Variants in SPEF2 observed in about 807,000 individuals in gnomAD.
SPEF2 encodes the protein sperm flagellar and cilia associated 2, also known as sperm flagella and cilia-associated protein 2.
SPEF2 carries 187 observed loss-of-function variants against 224.6 expected under a neutral mutation model. That is an observed-to-expected ratio of 0.83 (90% CI 0.74 to 0.94). The LOEUF is 0.94. SPEF2 is among the 40% of genes least tolerant of loss of function. The pLI, the probability that SPEF2 is intolerant of heterozygous loss-of-function variation, is 0.00. For synonymous variants in SPEF2, 715 were observed against 707.3 expected, an observed-to-expected ratio of 1.01 and a Z score of -0.17; for missense variants, 2,170 against 2,135.6, an observed-to-expected ratio of 1.02 and a Z score of -0.32.
Position 35,654,650 on chromosome 5 carries a change from C to G in SPEF2, c.902C>G (p.Ala301Gly), listed in dbSNP as rs750261854. 5.2e-5 allele frequency: 84 copies of G among 1,613,684 alleles called. No homozygotes were observed. In the South Asian group the frequency reaches 9.0e-4, roughly 17 times the overall value. The stretch of plus-strand genomic sequence containing the variant: ...ATCCAGAAGCGCCTTGAAGAAGATG[C>G]TTTTGCACGAGAGCAAAGGGAGAAA... ...KKIQKRLEED[A>G]FAREQREKRR... Residue 301 changes from alanine to glycine, a missense_variant, in exon 7 of 37, where the codon GCT becomes GGT. By Grantham distance (60) the Ala-to-Gly change is moderately conservative. Transcript: ENST00000356031.
chr5:35,799,907 T>C lies in SPEF2; in HGVS notation c.4831-61T>C, dbSNP rs750615557. On this transcript the variant is annotated intron_variant, in intron 33 of 36. Transcript: ENST00000356031. ...GCTCCTGGGGAGATTCTTCATTGCA[T>C]GACTAACTACTGACTATGAGAGTGC... 39 of 1,572,894 alleles carry C rather than the reference T, an allele frequency of 2.5e-5. No homozygotes were observed. In the Admixed American group the frequency reaches 6.6e-4, roughly 27 times the overall value.
rs1342244438 is a variant in SPEF2, at chr5:35,799,978, G to A, written c.4841G>A (p.Arg1614Lys). 7 of 1,613,584 alleles carry A rather than the reference G, an allele frequency of 4.3e-6. No homozygotes were observed. In the Admixed American group the frequency reaches 1.2e-4, roughly 27 times the overall value. The change falls in exon 34 of 37, where the codon AGG (arginine) becomes AAG (lysine). Residue 1614 changes from arginine (R) to lysine (K), a missense_variant. Physicochemically the swap from Arg to Lys is conservative, Grantham distance 26 (BLOSUM62 2). Coordinates refer to ENST00000356031, the MANE Select transcript of SPEF2 (RefSeq NM_024867.4). ...TCTTTTTGTGTGCAGTTTTTCTTTA[G>A]GCTATTTGCTGACTATGAGAAGGAT... ...RQEHLIEFFF[R>K]LFADYEKDPP... is the part of the protein sequence containing the mutation.
chr5:35,669,116 A>T (rs1750895939), intron 9 of SPEF2, among the ~76,000 whole-genome samples: 1 of 152,048 alleles, frequency 6.6e-6, no homozygotes, highest in African/African-American at 2.4e-5. Context: ...ATCCTACTTG[A>T]TGTCTCTGAA....
At chr5:35,652,490 C>T (rs1748345940) in intron 6 of SPEF2, among the ~76,000 whole-genome samples, 1 of 152,082 alleles carries the variant, frequency 6.6e-6, no homozygotes, top group South Asian at 2.1e-4. Context: ...GTGCTTGGTA[C>T]CTACATAATT....
chr5:35,733,788 TA>T (rs369958797), intron 21 of SPEF2, among the ~76,000 whole-genome samples: 45,990 of 147,724 alleles, frequency 0.31, 7,215 homozygotes, highest in African/African-American at 0.39. Context: ...GTGAATTGTT[TA>T]AAAAAAAAAA....
At chr5:35,704,279 AT>A (rs1481638200) in intron 16 of SPEF2, among the ~76,000 whole-genome samples, 1 of 152,006 alleles carries the variant, frequency 6.6e-6, no homozygotes, top group African/African-American at 2.4e-5. Flanking sequence ...ATGACCCATC[AT>A]TTTTCATTCT....
At chr5:35,658,868 T>C (rs1018415756) in intron 7 of SPEF2, 151 bp from the exon 8 acceptor site, 8 of 525,474 alleles carry the variant, frequency 1.5e-5, no homozygotes, top group Non-Finnish European at 2.1e-5. Flanking sequence ...TTTCATAACA[T>C]GATTTTTTTT....
chr5:35,803,221 G>A (rs1757665344), intron 34 of SPEF2, among the ~76,000 whole-genome samples: 1 of 152,198 alleles, frequency 6.6e-6, no homozygotes, highest in Non-Finnish European at 1.5e-5. Flanking sequence ...GAGTCCAGGA[G>A]GCTGAGATGA....
At chr5:35,774,508 G>A (rs542731776) in intron 28 of SPEF2, among the ~76,000 whole-genome samples, 1 of 152,126 alleles carries the variant, frequency 6.6e-6, no homozygotes, top group African/African-American at 2.4e-5. Context: ...GGCCATAGGA[G>A]AGCCAGTCAT....
chr5:35,633,624 A>G (rs1745431323), intron 2 of SPEF2, among the ~76,000 whole-genome samples: 2 of 152,014 alleles, frequency 1.3e-5, no homozygotes, highest in Non-Finnish European at 2.9e-5. Flanking sequence ...TATTTACAAT[A>G]TAATTATGGA....
rs994174096 is a variant in SPEF2, at chr5:35,670,010, T to A, written c.1356-49T>A. 2.2e-6 allele frequency: 3 copies of A among 1,393,804 alleles called. No individual in the cohort carries two copies. In the African/African-American group the frequency reaches 4.4e-5, roughly 20 times the overall value. The allele number at this position is 1,393,804 out of a possible 1,614,324, so 86.3% of individuals were successfully genotyped here. A position where few individuals can be genotyped will look rare whatever the true frequency, so the allele number is the denominator to read the frequency against. On this transcript the variant is annotated intron_variant, in intron 9 of 36. Coordinates refer to ENST00000356031, the MANE Select transcript of SPEF2 (RefSeq NM_024867.4). ...AATAAAAATACCAATGTTTAAAATC[T>A]ATATTTGACTAACCATTGATTCATC...
rs139027371 is a variant in SPEF2, at chr5:35,790,221, G to T, written c.4448-2119G>T. On this transcript the variant is annotated intron_variant, in intron 30 of 36. Coordinates refer to ENST00000356031, the MANE Select transcript of SPEF2 (RefSeq NM_024867.4). ...AATCAAGGCTGAAAGTATGACGGAT[G>T]TCCTAATTATTCAGTTGAATTCTCC... 1.2e-4 allele frequency: 81 copies of T among 687,916 alleles called. No individual in the cohort carries two copies. In the African/African-American group the frequency reaches 1.3e-3, roughly 11 times the overall value. 42.6% of individuals were successfully genotyped at this position (687,916 alleles called of 1,614,324 possible). A position where few individuals can be genotyped will look rare whatever the true frequency, so the allele number is the denominator to read the frequency against.
intron 23 of SPEF2, among the ~76,000 whole-genome samples, chr5:35,751,841 A>G (rs989437455): frequency 2.0e-5 from 3 of 152,158 alleles, no homozygotes; most frequent in African/African-American, 4.8e-5. Context: ...CTGTGTTTCA[A>G]TGGTCTTGTC....
intron 20 of SPEF2, among the ~76,000 whole-genome samples, 172 bp from the exon 21 acceptor site, chr5:35,727,503 G>C (rs1744864209): frequency 6.6e-6 from 1 of 152,038 alleles, no homozygotes. Flanking sequence ...TAATATTATT[G>C]GTTAATTTGG....
In SPEF2 at chr5:35,644,435, C is replaced by T. The variant is rs142312352; in HGVS notation, c.495C>T (p.His165=). 549 of 1,610,978 alleles carry T rather than the reference C, an allele frequency of 3.4e-4. 2 individuals carry two copies. The highest frequency in any genetic ancestry group is 1.3e-3 in the Admixed American group (80 of 59,656). Residue 165 remains histidine (H), a synonymous_variant, in exon 4 of 37, where the codon CAC becomes CAT. Transcript: ENST00000356031. The part of the protein sequence containing the change: ...ITYRFQEKYK[H]VKEDLAHLHF... ...ACAGGTTTCAAGAAAAATATAAACA[C>T]GTGAAAGAAGATCTTGCCCATTTGC...
At chr5:35,785,645 C>T (rs980343887) in intron 30 of SPEF2, among the ~76,000 whole-genome samples, 1 of 151,548 alleles carries the variant, frequency 6.6e-6, no homozygotes, top group Non-Finnish European at 1.5e-5. Context: ...AACCCCCCCC[C>T]ACCTCAGCCT....
At chr5:35,725,635 T>G (rs1434786620) in intron 20 of SPEF2, among the ~76,000 whole-genome samples, 4 of 152,210 alleles carry the variant, frequency 2.6e-5, no homozygotes, top group Non-Finnish European at 5.9e-5. Flanking sequence ...TGGTTCCAGC[T>G]CTTGACTTTT....
Position 35,628,558 on chromosome 5 carries a change from A to T in SPEF2, c.157A>T (p.Ser53Cys), listed in dbSNP as rs756230080. The change falls in exon 2 of 37, where the codon AGC (serine) becomes TGC (cysteine). Residue 53 changes from serine (S) to cysteine (C), a missense_variant. Ser to Cys is a moderately radical substitution (Grantham distance 112). Coordinates refer to ENST00000356031, the MANE Select transcript of SPEF2 (RefSeq NM_024867.4). Reference protein sequence around the residue: ...LQDDFSEFLDSRVSSAKLNNF... With the variant: ...LQDDFSEFLDCRVSSAKLNNF... Reference sequence around the variant, plus strand: ...GGATGATTTTTCAGAATTTTTGGACAGCAGGTTAGTGAGATTATTCCTTTT... The same window carrying T: ...GGATGATTTTTCAGAATTTTTGGACTGCAGGTTAGTGAGATTATTCCTTTT... The T allele has an allele frequency of 1.7e-5, 27 of 1,602,978 alleles. 1 individual carries two copies. In the South Asian group the frequency reaches 1.9e-4, roughly 11 times the overall value.
intron 10 of SPEF2, among the ~76,000 whole-genome samples, chr5:35,682,103 G>A (rs1239374902): frequency 1.3e-5 from 2 of 152,174 alleles, no homozygotes; most frequent in Non-Finnish European, 2.9e-5. Context: ...GGAAAAGCCA[G>A]CCAAGCACAC....
Sources: gnomAD v4.1 joint callset for allele counts (sites outside exome capture counted in the v4.1 genomes callset) on GRCh38, gnomAD v4.1.1 for gene constraint, MANE v1.5 for transcripts, NCBI Gene and HGNC (gene_info 2026-07-23, HGNC 2026-07-21) for gene names.